The following CDH13 variants were observed in gnomAD, a reference collection of about 807,000 sequenced individuals.
The protein encoded by CDH13 is cadherin 13.
CDH13 carries 24 observed loss-of-function variants against 63.8 expected under a neutral mutation model. That is an observed-to-expected ratio of 0.38 (90% confidence interval 0.27 to 0.53). The LOEUF is 0.53. Among genes scored for constraint, CDH13 ranks in the 20% least tolerant of loss-of-function variants. CDH13 has a pLI of 0.85. For missense variants in CDH13, 1,049 were observed against 903.1 expected, an observed-to-expected ratio of 1.16 and a Z score of -2.07; for synonymous variants, 503 against 355.3, an observed-to-expected ratio of 1.42 and a Z score of -4.67.
chr16:83,171,637 C>T (rs1020298251), intron 4 of CDH13: 1 of 1,294,912 alleles, frequency 7.7e-7, no homozygotes, highest in African/African-American at 1.5e-5. Context: ...CTCCAATTTC[C>T]TATATGCCAT....
chr16:83,589,283 C>CCCG (rs1555579645), intron 7 of CDH13, among the ~76,000 whole-genome samples: 1 of 125,016 alleles, frequency 8.0e-6, no homozygotes, highest in Non-Finnish European at 1.7e-5. Context: ...CCCTTTCCCC[C>CCCG]CCCCGGACCC....
In CDH13 at chr16:82,748,725, G is replaced by C. The variant is rs151289760; in HGVS notation, c.46-109637G>C. ...ATCTACCTAGAGAGCTGGGGTACAC[G>C]TAGAAGCCCAAGAGTACTAGATGAT... On this transcript the variant is annotated intron_variant, in intron 1 of 13. Transcript: ENST00000567109. 3.1e-3 allele frequency among the ~76,000 whole-genome samples: 469 copies of C among 152,236 alleles called. 4 individuals carry two copies. The highest frequency in any genetic ancestry group is 0.011 in the African/African-American group (448 of 41,544).
At chr16:82,682,706 G>A (rs939420602) in intron 1 of CDH13, among the ~76,000 whole-genome samples, 14 of 152,212 alleles carry the variant, frequency 9.2e-5, no homozygotes, top group African/African-American at 3.4e-4. Flanking sequence ...TGGACACAAA[G>A]TAATTGAGCT....
intron 1 of CDH13, among the ~76,000 whole-genome samples, chr16:82,802,411 G>A (rs2036911234): frequency 6.6e-6 from 1 of 152,154 alleles, no homozygotes; most frequent in Admixed American, 6.5e-5. Context: ...CAAAACAGGA[G>A]GATATCTGTC....
chr16:82,765,105 T>C (rs1014043416), intron 1 of CDH13, among the ~76,000 whole-genome samples: 2 of 152,224 alleles, frequency 1.3e-5, no homozygotes, highest in Non-Finnish European at 2.9e-5. Flanking sequence ...CATTCTTAAA[T>C]CATTCATTTC....
intron 7 of CDH13, among the ~76,000 whole-genome samples, chr16:83,545,451 C>T (rs2075369803): frequency 6.6e-6 from 1 of 152,242 alleles, no homozygotes; most frequent in African/African-American, 2.4e-5. Context: ...GATCCAGCCA[C>T]ATCTTTCTCA....
At chr16:83,133,492 C>G (rs991436151) in intron 4 of CDH13, among the ~76,000 whole-genome samples, 7 of 151,978 alleles carry the variant, frequency 4.6e-5, no homozygotes, top group African/African-American at 1.7e-4. Flanking sequence ...TTGATACAGT[C>G]TCTCCTCAGT....
chr16:82,820,654 T>G (rs1174745178), intron 1 of CDH13, among the ~76,000 whole-genome samples: 1 of 152,212 alleles, frequency 6.6e-6, no homozygotes, highest in African/African-American at 2.4e-5. Context: ...GCACTAAGGC[T>G]ATAGAAATGA....
At chr16:82,732,401 T>G (rs2151038097) in intron 1 of CDH13, among the ~76,000 whole-genome samples, 1 of 152,334 alleles carries the variant, frequency 6.6e-6, no homozygotes, top group East Asian at 1.9e-4. Context: ...AATTCAGTTT[T>G]GAGGCCCCAG....
chr16:83,783,854 A>C (rs145632048), intron 13 of CDH13, among the ~76,000 whole-genome samples: 120 of 152,332 alleles, frequency 7.9e-4, no homozygotes, highest in African/African-American at 2.7e-3. Context: ...TGCAAGGTTA[A>C]AACAGATATT....
intron 1 of CDH13, among the ~76,000 whole-genome samples, chr16:82,676,366 T>C (rs1316845762): frequency 1.3e-5 from 2 of 152,172 alleles, no homozygotes; most frequent in African/African-American, 4.8e-5. Flanking sequence ...CATCCAGTTT[T>C]TCCCCTTTCT....
intron 1 of CDH13, among the ~76,000 whole-genome samples, chr16:82,740,668 C>T (rs541776473): frequency 4.9e-4 from 75 of 152,244 alleles, no homozygotes; most frequent in African/African-American, 1.6e-3. Context: ...CGTGCTCCTT[C>T]GGAAACATTC....
At chr16:82,970,897 G>T (rs1908644377) in intron 2 of CDH13, among the ~76,000 whole-genome samples, 1 of 152,128 alleles carries the variant, frequency 6.6e-6, no homozygotes, top group Non-Finnish European at 1.5e-5. Context: ...CCAATGCCCA[G>T]TGCTTCAGTA....
At chr16:82,701,150 A>C (rs1293580853) in intron 1 of CDH13, among the ~76,000 whole-genome samples, 1 of 151,024 alleles carries the variant, frequency 6.6e-6, no homozygotes, top group Admixed American at 6.6e-5. Flanking sequence ...GTAATTTTTT[A>C]TTTCTTTCTC....
At chr16:83,233,690 C>A (rs1194044753) in intron 5 of CDH13, among the ~76,000 whole-genome samples, 1 of 152,230 alleles carries the variant, frequency 6.6e-6, no homozygotes, top group Non-Finnish European at 1.5e-5. Context: ...TTCCTATTCT[C>A]CCATCCCCAG....
chr16:82,689,667 T>C (rs1182402603), intron 1 of CDH13, among the ~76,000 whole-genome samples: 2 of 152,112 alleles, frequency 1.3e-5, no homozygotes, highest in African/African-American at 4.8e-5. Flanking sequence ...TGGATGTGCA[T>C]AGCCCCCTCC....
At chr16:83,476,905 T>C (rs1380089751) in intron 6 of CDH13, among the ~76,000 whole-genome samples, 1 of 152,202 alleles carries the variant, frequency 6.6e-6, no homozygotes, top group Non-Finnish European at 1.5e-5. Flanking sequence ...GTATCCTATG[T>C]CTTTCAAAAA....
chr16:82,680,847 C>T (rs1452131138), intron 1 of CDH13, among the ~76,000 whole-genome samples: 6 of 152,108 alleles, frequency 3.9e-5, no homozygotes, highest in Non-Finnish European at 8.8e-5. Flanking sequence ...TGGAGAGGAC[C>T]GCCTAACCTG....
At chr16:83,484,186 G>GA (rs374732660) in intron 6 of CDH13, among the ~76,000 whole-genome samples, 3 of 151,868 alleles carry the variant, frequency 2.0e-5, no homozygotes, top group African/African-American at 4.8e-5. Context: ...AGTGGTGGGG[G>GA]AAAAAAAACT....
Sources: allele counts gnomAD v4.1 joint callset (sites outside exome capture counted in the v4.1 genomes callset), GRCh38; gene constraint gnomAD v4.1.1; transcripts MANE v1.5; gene names NCBI Gene and HGNC (gene_info 2026-07-23, HGNC 2026-07-21).